The following CREB5 variants were observed in gnomAD, a reference collection of about 807,000 sequenced individuals.
CREB5 encodes the protein cyclic AMP-responsive element-binding protein 5.
CREB5 carries 19 observed loss-of-function variants against 57.1 expected under a neutral mutation model. The observed-to-expected ratio is 0.33, with a 90% confidence interval of 0.23 to 0.49. The LOEUF is 0.49. Ranked by LOEUF, CREB5 falls within the 20% of genes least tolerant of loss-of-function variation. CREB5 has a pLI of 0.99. For missense variants in CREB5, 579 were observed against 671.6 expected (o/e 0.86, Z 1.52); for synonymous variants, 238 against 238.3 (o/e 1.00, Z 0.01).
intron 1 of CREB5, among the ~76,000 whole-genome samples, chr7:28,356,945 C>A (rs1357715013): frequency 1.3e-5 from 2 of 152,184 alleles, no homozygotes; most frequent in East Asian, 3.9e-4. Flanking sequence ...GCAACATGGA[C>A]ACTGGGAAAC....
intron 1 of CREB5, among the ~76,000 whole-genome samples, chr7:28,413,567 T>C (rs930218693): frequency 2.0e-5 from 3 of 152,186 alleles, no homozygotes; most frequent in African/African-American, 7.2e-5. Flanking sequence ...TAAACATATT[T>C]GAAAATATCT....
intron 4 of CREB5, 48 bp downstream of exon 4, chr7:28,507,785 T>A (rs374506501): frequency 5.1e-6 from 8 of 1,555,528 alleles, no homozygotes; most frequent in Non-Finnish European, 7.0e-6. Flanking sequence ...GCTAGAAACT[T>A]CCACGAGGAA....
At chr7:28,423,840 G>C (rs1027461391) in intron 1 of CREB5, among the ~76,000 whole-genome samples, 1 of 152,188 alleles carries the variant, frequency 6.6e-6, no homozygotes, top group Non-Finnish European at 1.5e-5. Flanking sequence ...AGGGAGAAAG[G>C]CACCCCCTCC....
chr7:28,300,496 C>G (rs1785081803), intron 1 of CREB5, among the ~76,000 whole-genome samples: 1 of 152,080 alleles, frequency 6.6e-6, no homozygotes, highest in Admixed American at 6.5e-5. Flanking sequence ...TGTGCCATGC[C>G]CCTGTGCGTA....
chr7:28,624,246 C>A (rs774159821), intron 5 of CREB5, among the ~76,000 whole-genome samples: 2 of 152,118 alleles, frequency 1.3e-5, no homozygotes, highest in African/African-American at 2.4e-5. Context: ...AAGAATCAAG[C>A]GTTTACTATT....
At chr7:28,767,858 T>C (rs1806095401) in intron 7 of CREB5, among the ~76,000 whole-genome samples, 1 of 152,194 alleles carries the variant, frequency 6.6e-6, no homozygotes, top group African/African-American at 2.4e-5. Flanking sequence ...CTTCCCATGA[T>C]CCATCTAGAA....
At chr7:28,560,869 C>CGTGCGCGTGCGTGCGT in intron 4 of CREB5, among the ~76,000 whole-genome samples, 1 of 28,602 alleles carries the variant, frequency 3.5e-5, no homozygotes, top group African/African-American at 1.5e-4. Flanking sequence ...CGTGTGCCTG[C>CGTGCGCGTGCGTGCGT]GTGCGCGTGC....
intron 1 of CREB5, among the ~76,000 whole-genome samples, chr7:28,300,921 T>G (rs1464503839): frequency 6.6e-6 from 1 of 152,164 alleles, no homozygotes; most frequent in Non-Finnish European, 1.5e-5. Context: ...CAGGCCCTGG[T>G]CCAGACCCCT....
chr7:28,547,270 G>A (rs1794457628), intron 4 of CREB5, among the ~76,000 whole-genome samples: 1 of 152,116 alleles, frequency 6.6e-6, no homozygotes, highest in Non-Finnish European at 1.5e-5. Flanking sequence ...ATAATATAGG[G>A]TTCTTAGATC....
intron 4 of CREB5, among the ~76,000 whole-genome samples, chr7:28,553,458 A>AC (rs1221214807): frequency 1.3e-5 from 2 of 152,176 alleles, no homozygotes; most frequent in Non-Finnish European, 2.9e-5. Context: ...ATCAATTTGC[A>AC]CCCCTGACAT....
intron 1 of CREB5, among the ~76,000 whole-genome samples, chr7:28,389,127 C>G (rs989075589): frequency 6.6e-6 from 1 of 152,128 alleles, no homozygotes; most frequent in Non-Finnish European, 1.5e-5. Context: ...CATGCAAAAG[C>G]CTCACGTTCA....
intron 1 of CREB5, among the ~76,000 whole-genome samples, chr7:28,480,365 G>T (rs17718348): frequency 0.17 from 26,115 of 152,084 alleles, 2,355 homozygotes; most frequent in South Asian, 0.27. Flanking sequence ...ACTGAATTTC[G>T]TTGCTATCAT....
intron 7 of CREB5, among the ~76,000 whole-genome samples, chr7:28,796,263 T>A (rs1367576696): frequency 6.6e-6 from 1 of 152,250 alleles, no homozygotes; most frequent in Admixed American, 6.5e-5. Flanking sequence ...CTAGATATTT[T>A]ATGTAAATGT....
chr7:28,344,655 T>C (rs1017681142), intron 1 of CREB5, among the ~76,000 whole-genome samples: 1 of 152,180 alleles, frequency 6.6e-6, no homozygotes, highest in Non-Finnish European at 1.5e-5. Context: ...TAGTAAGTTC[T>C]TATCTATCAA....
intron 5 of CREB5, among the ~76,000 whole-genome samples, chr7:28,599,231 T>C (rs906687756): frequency 2.0e-5 from 3 of 152,070 alleles, no homozygotes; most frequent in Non-Finnish European, 2.9e-5. Flanking sequence ...ATATATATAT[T>C]ATATATCTAT....
At chr7:28,565,476 T>C (rs1411123796) in intron 4 of CREB5, among the ~76,000 whole-genome samples, 1 of 152,182 alleles carries the variant, frequency 6.6e-6, no homozygotes, top group African/African-American at 2.4e-5. Flanking sequence ...GTTTTACTCT[T>C]TTTCTCATCT....
intron 1 of CREB5, among the ~76,000 whole-genome samples, chr7:28,460,179 T>C (rs1790291516): frequency 6.6e-6 from 1 of 152,104 alleles, no homozygotes; most frequent in African/African-American, 2.4e-5. Flanking sequence ...ATTTTACAAG[T>C]GTCAGGGAGT....
chr7:28,732,720 C>CTTTTT (rs35952532), intron 7 of CREB5, among the ~76,000 whole-genome samples: 90 of 131,886 alleles, frequency 6.8e-4, no homozygotes, highest in East Asian at 6.7e-4. Context: ...CTCTGTCTTG[C>CTTTTT]TTTTTTTTTT....
chr7:28,554,112 G>A (rs116177015), intron 4 of CREB5, among the ~76,000 whole-genome samples: 3,825 of 152,226 alleles, frequency 0.025, 135 homozygotes, highest in African/African-American at 0.084. Flanking sequence ...ATGAAATAAA[G>A]TAATTCCTTC....
Sources: gnomAD v4.1 joint callset for allele counts (sites outside exome capture counted in the v4.1 genomes callset) on GRCh38, gnomAD v4.1.1 for gene constraint, MANE v1.5 for transcripts, NCBI Gene and HGNC (gene_info 2026-07-23, HGNC 2026-07-21) for gene names.